The following PGCKA1 variants were observed in gnomAD, a reference collection of about 807,000 sequenced individuals.
PGCKA1 encodes the protein PDCD10 and GCKIII kinases associated 1.
chr4:37,455,523 C>T, the PGCKA1 span, among the ~76,000 whole-genome samples: 1 of 152,130 alleles, frequency 6.6e-6, no homozygotes, highest in Non-Finnish European at 1.5e-5. Flanking sequence ...GATCCTGCTC[C>T]GTGCATTTAT....
the PGCKA1 span, among the ~76,000 whole-genome samples, chr4:37,541,707 A>T: frequency 2.6e-5 from 4 of 152,314 alleles, no homozygotes; most frequent in East Asian, 5.8e-4. Flanking sequence ...CACACAGCTT[A>T]TAAGTAGTGG....
chr4:37,590,064 T>A, the PGCKA1 span: 2 of 1,575,408 alleles, frequency 1.3e-6, no homozygotes, highest in Non-Finnish European at 8.7e-7. Context: ...CAGACCTGAC[T>A]GGTTTTCATT....
chr4:37,474,867 G>A, the PGCKA1 span, among the ~76,000 whole-genome samples: 1 of 152,178 alleles, frequency 6.6e-6, no homozygotes, highest in Non-Finnish European at 1.5e-5. Context: ...TTTTTATGCA[G>A]TGGTATTACT....
the PGCKA1 span, chr4:37,590,169 T>C: frequency 6.2e-7 from 1 of 1,614,170 alleles, no homozygotes; most frequent in East Asian, 2.2e-5. Flanking sequence ...AAGACGACAC[T>C]GATAAATTAA....
the PGCKA1 span, among the ~76,000 whole-genome samples, chr4:37,494,585 T>G: frequency 6.6e-6 from 1 of 152,240 alleles, no homozygotes; most frequent in Admixed American, 6.5e-5. Context: ...GCAGTGAACA[T>G]ATGTGTGCAT....
At chr4:37,540,804 G>T in the PGCKA1 span, among the ~76,000 whole-genome samples, 1 of 151,990 alleles carries the variant, frequency 6.6e-6, no homozygotes, top group Non-Finnish European at 1.5e-5. Context: ...GGTGGGAGTT[G>T]GGGGGAACCC....
the PGCKA1 span, among the ~76,000 whole-genome samples, chr4:37,587,032 C>T: frequency 6.6e-6 from 1 of 151,842 alleles, no homozygotes; most frequent in African/African-American, 2.4e-5. Context: ...ATCAAGGTGT[C>T]ACCGGGGCCA....
At chr4:37,588,036 C>T in the PGCKA1 span, 1 of 152,272 alleles carries the variant, frequency 6.6e-6, no homozygotes, top group East Asian at 1.9e-4. Flanking sequence ...AGAGATGCTT[C>T]CATACTCATT....
chr4:37,488,883 C>G, the PGCKA1 span, among the ~76,000 whole-genome samples: 9 of 152,280 alleles, frequency 5.9e-5, 1 homozygote, highest in South Asian at 1.9e-3. Flanking sequence ...TTGAACAACA[C>G]AGGTTCAAAT....
At chr4:37,464,196 C>T in the PGCKA1 span, among the ~76,000 whole-genome samples, 5 of 152,148 alleles carry the variant, frequency 3.3e-5, no homozygotes, top group African/African-American at 1.2e-4. Context: ...CCATTTGTTC[C>T]ACTGTACTTC....
the PGCKA1 span, among the ~76,000 whole-genome samples, chr4:37,459,333 G>A: frequency 2.0e-5 from 3 of 152,256 alleles, no homozygotes; most frequent in African/African-American, 7.2e-5. Context: ...GCTTAATAGA[G>A]GATGAAGTGA....
the PGCKA1 span, among the ~76,000 whole-genome samples, chr4:37,481,931 T>A: frequency 2.6e-5 from 4 of 152,220 alleles, no homozygotes; most frequent in Admixed American, 2.0e-4. Context: ...GATGGTTTTA[T>A]AAGGGGTTTC....
the PGCKA1 span, among the ~76,000 whole-genome samples, chr4:37,543,254 T>C: frequency 6.6e-6 from 1 of 152,194 alleles, no homozygotes; most frequent in Admixed American, 6.5e-5. Context: ...AGCTACCACC[T>C]CCAGCCCTAC....
At chr4:37,541,852 G>T in the PGCKA1 span, among the ~76,000 whole-genome samples, 191 of 152,276 alleles carry the variant, frequency 1.3e-3, 1 homozygote, top group Non-Finnish European at 2.1e-3. Context: ...CAGGAAATGA[G>T]ACATGGGGCT....
chr4:37,499,675 T>C, the PGCKA1 span, among the ~76,000 whole-genome samples: 1 of 152,108 alleles, frequency 6.6e-6, no homozygotes, highest in Admixed American at 6.5e-5. Flanking sequence ...TTATGTATAT[T>C]TGTGTCTTCT....
chr4:37,587,400 A>G, the PGCKA1 span, among the ~76,000 whole-genome samples: 9 of 152,122 alleles, frequency 5.9e-5, no homozygotes, highest in Non-Finnish European at 8.8e-5. Context: ...AGCCTACCAT[A>G]GGGAGTTATT....
the PGCKA1 span, among the ~76,000 whole-genome samples, chr4:37,475,924 A>G: frequency 3.3e-5 from 5 of 151,220 alleles, no homozygotes; most frequent in Non-Finnish European, 7.4e-5. Flanking sequence ...AGAAAGGAAA[A>G]AAACTAAAAT....
the PGCKA1 span, chr4:37,588,997 T>A: frequency 3.4e-6 from 3 of 886,988 alleles, no homozygotes; most frequent in Admixed American, 5.6e-5. Flanking sequence ...TTTATCCAGC[T>A]TGGGGCATGA....
the PGCKA1 span, among the ~76,000 whole-genome samples, chr4:37,453,518 C>G: frequency 3.9e-5 from 6 of 152,136 alleles, no homozygotes; most frequent in African/African-American, 1.4e-4. Flanking sequence ...AAGGAGGAAA[C>G]TGAAAAATGC....
Sources: gnomAD v4.1 joint callset for allele counts (sites outside exome capture counted in the v4.1 genomes callset) on GRCh38, gnomAD v4.1.1 for gene constraint, MANE v1.5 for transcripts, NCBI Gene and HGNC (gene_info 2026-07-23, HGNC 2026-07-21) for gene names.